Variants in AHCY observed in about 807,000 individuals in gnomAD.
The protein encoded by AHCY is adenosylhomocysteinase.
A neutral mutation model predicts 45.4 loss-of-function variants in AHCY; 24 were observed. That is an observed-to-expected ratio of 0.53 (90% confidence interval 0.38 to 0.74). AHCY has a LOEUF of 0.74. AHCY is among the 30% of genes least tolerant of loss of function. The pLI is 0.00. For synonymous variants in AHCY, 245 were observed against 235.1 expected, an observed-to-expected ratio of 1.04 and a Z score of -0.39; for missense variants, 449 against 594.1, an observed-to-expected ratio of 0.76 and a Z score of 2.54.
the AHCY span, chr20:34,246,303 T>C: frequency 6.4e-7 from 1 of 1,550,988 alleles, no homozygotes; most frequent in South Asian, 1.2e-5. Flanking sequence ...TGACCCTCAC[T>C]AATTCCAGCT....
chr20:34,243,233 A>T, the AHCY span, among the ~76,000 whole-genome samples: 1 of 152,074 alleles, frequency 6.6e-6, no homozygotes, highest in Non-Finnish European at 1.5e-5. Context: ...CTAACTCAGG[A>T]CCCCTCAGGC....
chr20:34,266,911 T>C, the AHCY span, among the ~76,000 whole-genome samples: 2 of 152,216 alleles, frequency 1.3e-5, no homozygotes, highest in South Asian at 2.1e-4. Context: ...GCACACCTTA[T>C]TCCTGTCTTA....
In AHCY at chr20:34,285,157, T is replaced by C. The variant is rs181049087; in HGVS notation, c.1167+283A>G. Among the ~76,000 whole-genome samples, 52 of 152,226 alleles carry C rather than the reference T, an allele frequency of 3.4e-4. 1 individual carries two copies. Among genetic ancestry groups the C allele is most frequent in the Middle Eastern group, 6.8e-3 (2 of 294 alleles). ...TTGCCTGGATTACACAGCCTGTAAGTGGTGGGGCTGAGATTCAAACTGGGG... is the reference window on the plus strand; with the variant it reads ...TTGCCTGGATTACACAGCCTGTAAGCGGTGGGGCTGAGATTCAAACTGGGG... On this transcript the variant is annotated intron_variant, in intron 9 of 9. Coordinates refer to ENST00000217426, the MANE Select transcript of AHCY (RefSeq NM_000687.4).
downstream of AHCY, among the ~76,000 whole-genome samples, chr20:34,276,524 T>C (rs2035911659): frequency 6.6e-6 from 1 of 152,130 alleles, no homozygotes; most frequent in Non-Finnish European, 1.5e-5. Flanking sequence ...GATCAGACTA[T>C]TACGATGCTA....
chr20:34,232,301 A>G, the AHCY span, among the ~76,000 whole-genome samples: 1 of 152,186 alleles, frequency 6.6e-6, no homozygotes, highest in South Asian at 2.1e-4. Flanking sequence ...CTATAAGATG[A>G]GGAGGAGCAT....
the AHCY span, among the ~76,000 whole-genome samples, chr20:34,240,622 A>C: frequency 6.6e-6 from 1 of 152,206 alleles, no homozygotes; most frequent in African/African-American, 2.4e-5. Context: ...GCCCATCAAG[A>C]GTTTAGCTTC....
chr20:34,265,969 G>A, the AHCY span, among the ~76,000 whole-genome samples: 2 of 151,988 alleles, frequency 1.3e-5, no homozygotes, highest in African/African-American at 4.8e-5. Flanking sequence ...AAAGCGGAGG[G>A]GGGGAAGTTA....
the AHCY span, among the ~76,000 whole-genome samples, chr20:34,267,890 T>C: frequency 6.6e-6 from 1 of 152,118 alleles, no homozygotes; most frequent in African/African-American, 2.4e-5. Context: ...TTTAACCTAG[T>C]GTATTCAAAA....
chr20:34,275,235 C>A, the AHCY span, among the ~76,000 whole-genome samples: 1 of 150,920 alleles, frequency 6.6e-6, no homozygotes, highest in Non-Finnish European at 1.5e-5. Flanking sequence ...CGGGTTCAAG[C>A]GATTCTCCTA....
chr20:34,265,429 T>A, the AHCY span, among the ~76,000 whole-genome samples: 2 of 151,796 alleles, frequency 1.3e-5, no homozygotes, highest in Admixed American at 6.6e-5. Context: ...GAGGCTGAAG[T>A]AGGAGAATCG....
downstream of AHCY, among the ~76,000 whole-genome samples, chr20:34,279,918 C>G (rs897203509): frequency 1.3e-5 from 2 of 152,104 alleles, no homozygotes; most frequent in African/African-American, 4.8e-5. Context: ...GCCTGGCTAA[C>G]ATGGTAAAAC....
At chr20:34,249,772 T>G in the AHCY span, among the ~76,000 whole-genome samples, 1 of 152,182 alleles carries the variant, frequency 6.6e-6, no homozygotes. Flanking sequence ...TATTCACATA[T>G]GCAGAACATA....
rs756971171 is a variant in AHCY, at chr20:34,303,322, G to A, written c.-52C>T. 60 of 1,551,434 alleles carry A rather than the reference G, an allele frequency of 3.9e-5. No homozygotes were observed. In the African/African-American group the frequency reaches 4.6e-4, roughly 12 times the overall value. ...GCGAAGGGGGCTGGGCCTCAGTCTGGGAACAGGAACTGGGCGGGCAGCGCC... is the reference window on the plus strand; with the variant it reads ...GCGAAGGGGGCTGGGCCTCAGTCTGAGAACAGGAACTGGGCGGGCAGCGCC... On this transcript the variant is annotated 5_prime_UTR_variant, in exon 1 of 10. Transcript: ENST00000217426.
intron 1 of AHCY, among the ~76,000 whole-genome samples, chr20:34,299,944 G>A (rs819150): frequency 0.72 from 109,813 of 152,166 alleles, 44,115 homozygotes; most frequent in Non-Finnish European, 0.89. Context: ...CAGCACTTTG[G>A]GAGGCCAAGG....
chr20:34,308,222 T>C (rs2036914956), upstream of AHCY, among the ~76,000 whole-genome samples: 1 of 152,246 alleles, frequency 6.6e-6, no homozygotes, highest in South Asian at 2.1e-4. Context: ...AGGTTGACTC[T>C]ATGTCTTTGC....
chr20:34,235,828 AGAAAGAAAGAAAGAAG>A, the AHCY span, among the ~76,000 whole-genome samples: 1 of 67,156 alleles, frequency 1.5e-5, no homozygotes, highest in African/African-American at 1.5e-4. Flanking sequence ...AAAGAAAGAA[AGAAAGAAAGAAAGAAG>A]GAAGGAAGGA....
intron 1 of AHCY, chr20:34,301,962 A>G: frequency 1.0e-6 from 1 of 985,242 alleles, no homozygotes; most frequent in Non-Finnish European, 1.2e-6. Flanking sequence ...GTTTCCATAA[A>G]TGTGGATGGC....
the AHCY span, among the ~76,000 whole-genome samples, chr20:34,244,386 A>G: frequency 6.6e-6 from 1 of 152,188 alleles, no homozygotes; most frequent in East Asian, 1.9e-4. Context: ...CACATAATTT[A>G]TAGCCAGAAT....
At chr20:34,301,992 G>A (rs879732342) in intron 1 of AHCY, 12 of 961,574 alleles carry the variant, frequency 1.2e-5, no homozygotes, top group African/African-American at 5.5e-5. Context: ...ACTTAATAGT[G>A]TCTTTTTTTG....
Sources: allele counts gnomAD v4.1 joint callset (sites outside exome capture counted in the v4.1 genomes callset), GRCh38; gene constraint gnomAD v4.1.1; transcripts MANE v1.5; gene names NCBI Gene and HGNC (gene_info 2026-07-23, HGNC 2026-07-21).